Variants in RBFOX1 observed in about 807,000 individuals in gnomAD.
RBFOX1 encodes RNA binding fox-1 homolog 1.
A neutral mutation model predicts 57.7 loss-of-function variants in RBFOX1; 8 were observed. The ratio of observed to expected loss-of-function variants is 0.14; its 90% CI spans 0.08 to 0.25. RBFOX1 has a LOEUF of 0.25. Ranked by LOEUF, RBFOX1 falls within the 10% of genes least tolerant of loss-of-function variation. The probability of loss-of-function intolerance (pLI) is 1.00; values close to 1 mark genes in which losing one functional copy is unlikely to be tolerated. For missense variants in RBFOX1, 611 were observed against 548.5 expected, an observed-to-expected ratio of 1.11 and a Z score of -1.14; for synonymous variants, 326 against 222.4, an observed-to-expected ratio of 1.47 and a Z score of -4.15.
At chr16:5,825,230 G>A (rs990359935) in intron 3 of RBFOX1, among the ~76,000 whole-genome samples, 6 of 152,220 alleles carry the variant, frequency 3.9e-5, no homozygotes, top group African/African-American at 1.4e-4. Flanking sequence ...ATGCAATATA[G>A]TGATGGAAGG....
intron 2 of RBFOX1, among the ~76,000 whole-genome samples, chr16:5,504,236 T>A (rs890717164): frequency 6.6e-5 from 10 of 152,100 alleles, no homozygotes; most frequent in African/African-American, 2.2e-4. Flanking sequence ...TCCTACCCCT[T>A]CCCTGATCCC....
chr16:6,873,782 A>C (rs896982397), intron 3 of RBFOX1: 1 of 152,178 alleles, frequency 6.6e-6, no homozygotes, highest in Non-Finnish European at 1.5e-5. Context: ...TTATTGCAGC[A>C]ACTCTGTGAT....
At chr16:7,096,443 C>T (rs1254384803) in intron 4 of RBFOX1, among the ~76,000 whole-genome samples, 1 of 152,174 alleles carries the variant, frequency 6.6e-6, no homozygotes, top group Non-Finnish European at 1.5e-5. Context: ...GCTGACATGC[C>T]ACTGTTAACA....
intron 4 of RBFOX1, among the ~76,000 whole-genome samples, chr16:5,920,670 C>G (rs900216895): frequency 2.6e-5 from 4 of 152,076 alleles, no homozygotes; most frequent in African/African-American, 9.7e-5. Flanking sequence ...AGCGGGGAGA[C>G]CAGGAGCGTG....
chr16:6,206,201 G>A (rs2097254340), intron 1 of RBFOX1, among the ~76,000 whole-genome samples: 3 of 152,184 alleles, frequency 2.0e-5, no homozygotes, highest in South Asian at 4.1e-4. Flanking sequence ...TCACTTTAGC[G>A]TTCTTGGCTT....
intron 1 of RBFOX1, among the ~76,000 whole-genome samples, chr16:5,386,030 G>A (rs941850953): frequency 2.0e-5 from 3 of 151,814 alleles, no homozygotes; most frequent in East Asian, 3.9e-4. Flanking sequence ...AACACTTCAC[G>A]TTGCCTAGGG....
intron 4 of RBFOX1, among the ~76,000 whole-genome samples, chr16:7,423,560 A>T (rs1292516706): frequency 6.6e-6 from 1 of 152,110 alleles, no homozygotes; most frequent in Non-Finnish European, 1.5e-5. Flanking sequence ...TCGATTTCAC[A>T]GTCCTACCCT....
chr16:7,012,614 T>C (rs900600027), intron 3 of RBFOX1, among the ~76,000 whole-genome samples: 2 of 152,242 alleles, frequency 1.3e-5, no homozygotes, highest in Non-Finnish European at 2.9e-5. Context: ...TGGAACAGAA[T>C]TGTGCTCCAG....
intron 4 of RBFOX1, among the ~76,000 whole-genome samples, chr16:7,329,747 G>C (rs986986653): frequency 6.6e-6 from 1 of 152,148 alleles, no homozygotes; most frequent in South Asian, 2.1e-4. Context: ...TTTCACACAA[G>C]ATAAGGAAGA....
chr16:6,463,610 G>A (rs1458361637), intron 2 of RBFOX1, among the ~76,000 whole-genome samples: 1 of 152,096 alleles, frequency 6.6e-6, no homozygotes, highest in East Asian at 1.9e-4. Context: ...GGAAAACCAA[G>A]GGTTGCTCTA....
intron 4 of RBFOX1, among the ~76,000 whole-genome samples, chr16:7,494,429 G>C (rs991611223): frequency 3.3e-5 from 5 of 152,076 alleles, no homozygotes; most frequent in Non-Finnish European, 5.9e-5. Flanking sequence ...CCCTCAACAT[G>C]CTCCTTTCCT....
chr16:7,108,636 T>C (rs1178463816), intron 4 of RBFOX1, among the ~76,000 whole-genome samples: 3 of 152,140 alleles, frequency 2.0e-5, no homozygotes, highest in Non-Finnish European at 4.4e-5. Context: ...AATAGGAAAG[T>C]CTACCCTGAG....
intron 3 of RBFOX1, among the ~76,000 whole-genome samples, chr16:6,685,836 T>G (rs941264092): frequency 6.6e-6 from 1 of 152,144 alleles, no homozygotes; most frequent in African/African-American, 2.4e-5. Flanking sequence ...TGAAAGTGTT[T>G]CCTACAATAA....
At chr16:7,204,145 C>T (rs931608430) in intron 4 of RBFOX1, among the ~76,000 whole-genome samples, 4 of 152,212 alleles carry the variant, frequency 2.6e-5, no homozygotes, top group Non-Finnish European at 4.4e-5. Flanking sequence ...CTGCAGATAC[C>T]TGCCAGAAGG....
At chr16:6,748,708 C>G (rs533169582) in intron 3 of RBFOX1, among the ~76,000 whole-genome samples, 1 of 152,090 alleles carries the variant, frequency 6.6e-6, no homozygotes, top group African/African-American at 2.4e-5. Context: ...ACTTGTTATG[C>G]ATGTATGAAC....
chr16:7,224,984 A>G (rs963846750), intron 4 of RBFOX1, among the ~76,000 whole-genome samples: 2 of 152,232 alleles, frequency 1.3e-5, no homozygotes, highest in Non-Finnish European at 2.9e-5. Context: ...AGCCTCTGCT[A>G]TGTGTCAAGC....
chr16:5,685,865 A>T (rs2050489177), intron 3 of RBFOX1, among the ~76,000 whole-genome samples: 1 of 152,218 alleles, frequency 6.6e-6, no homozygotes, highest in Non-Finnish European at 1.5e-5. Flanking sequence ...ACTTGGACAA[A>T]ATCTTTTACA....
intron 3 of RBFOX1, among the ~76,000 whole-genome samples, chr16:6,830,027 A>G (rs2092590707): frequency 6.6e-6 from 1 of 151,892 alleles, no homozygotes; most frequent in African/African-American, 2.4e-5. Flanking sequence ...AGTGATTCTC[A>G]TGCCTCAGCC....
Position 5,767,875 on chromosome 16 carries a change from G to A in RBFOX1, c.319-99428G>A, listed in dbSNP as rs191577457. On this transcript the variant is annotated intron_variant, in intron 3 of 19. Transcript: ENST00000641259. The stretch of plus-strand genomic sequence containing the variant: ...ATTCTTTGAGGATTCCTATTTGTAT[G>A]TCTTCACAGCCCTTTAGTCTCATGA... Among the ~76,000 whole-genome samples, 165 of 152,158 alleles carry A rather than the reference G, an allele frequency of 1.1e-3. 2 individuals carry two copies. Among genetic ancestry groups the A allele is most frequent in the African/African-American group, 3.7e-3 (155 of 41,498 alleles).
Sources: allele counts gnomAD v4.1 joint callset (sites outside exome capture counted in the v4.1 genomes callset), GRCh38; gene constraint gnomAD v4.1.1; transcripts MANE v1.5; gene names NCBI Gene and HGNC (gene_info 2026-07-23, HGNC 2026-07-21).